DEPDC5: variants seen among roughly 807,000 people sequenced by gnomAD.
DEPDC5 encodes the protein GATOR1 complex protein DEPDC5.
DEPDC5 carries 73 observed loss-of-function variants against 217.3 expected under a neutral mutation model. The ratio of observed to expected loss-of-function variants is 0.34; its 90% CI spans 0.28 to 0.41. DEPDC5 has a LOEUF of 0.41. Among genes scored for constraint, DEPDC5 ranks in the 10% least tolerant of loss-of-function variants. The pLI is 1.00. For synonymous variants in DEPDC5, 733 were observed against 756.7 expected, an observed-to-expected ratio of 0.97 and a Z score of 0.51; for missense variants, 1,675 against 2,070.1, an observed-to-expected ratio of 0.81 and a Z score of 3.70.
intron 36 of DEPDC5, chr22:31,875,786 A>G (rs1005823165): frequency 1.7e-4 from 28 of 165,066 alleles, no homozygotes; most frequent in Admixed American, 6.0e-5. Context: ...GGCATGCACC[A>G]CCATACCAGC....
chr22:31,876,115 T>A, intron 36 of DEPDC5, 42 bp from the exon 37 acceptor site: 1 of 1,592,884 alleles, frequency 6.3e-7, no homozygotes, highest in Non-Finnish European at 8.6e-7. Context: ...CCCTTCAAGA[T>A]GCCTCTCTGC....
chr22:31,895,889 G>C (rs1021186080), intron 39 of DEPDC5, among the ~76,000 whole-genome samples: 3 of 151,804 alleles, frequency 2.0e-5, no homozygotes, highest in African/African-American at 7.3e-5. Flanking sequence ...TGCTCATTCT[G>C]CTCAGCTCAC....
intron 3 of DEPDC5, among the ~76,000 whole-genome samples, chr22:31,759,789 T>C (rs778896920): frequency 1.3e-5 from 2 of 149,062 alleles, no homozygotes; most frequent in Non-Finnish European, 3.0e-5. Flanking sequence ...TTCAAGTGAC[T>C]CTTCTGCCTC....
chr22:31,850,868 A>G (rs1335352844), intron 31 of DEPDC5, among the ~76,000 whole-genome samples: 3 of 152,184 alleles, frequency 2.0e-5, no homozygotes, highest in Admixed American at 1.3e-4. Flanking sequence ...CAAGAGATTG[A>G]GACCATCCTG....
At chr22:31,785,089 C>G (rs1365342358) in intron 10 of DEPDC5, 1 of 473,404 alleles carries the variant, frequency 2.1e-6, no homozygotes, top group African/African-American at 2.0e-5. Flanking sequence ...GAAAACTTTC[C>G]CCCAAGATCA....
rs2149178531 is a variant in DEPDC5 at position 31,864,310 on chromosome 22, A to G, written c.3330+2877A>G. On this transcript the variant is annotated intron_variant, in intron 33 of 42. Transcript: ENST00000651528. ...TTTTTAGTAGAAATGGGGTTTCACC[A>G]TGTTAGGCTGCTCTCGAACTCCTAA... is the stretch of plus-strand genomic sequence containing the variant. Among the ~76,000 whole-genome samples, 2 of 151,264 alleles carry G rather than the reference A, an allele frequency of 1.3e-5. 1 individual carries two copies. The highest frequency in any genetic ancestry group is 3.9e-4 in the East Asian group (2 of 5,090).
chr22:31,860,266 G>A (rs367878172), intron 32 of DEPDC5, among the ~76,000 whole-genome samples: 13 of 152,310 alleles, frequency 8.5e-5, no homozygotes, highest in South Asian at 6.2e-4. Flanking sequence ...GTTAGAATGC[G>A]TTGGGGGTAC....
chr22:31,836,026 C>T, intron 25 of DEPDC5, among the ~76,000 whole-genome samples: 1 of 152,208 alleles, frequency 6.6e-6, no homozygotes, highest in East Asian at 1.9e-4. Context: ...TCGTATTGCT[C>T]CCTTCTTTGG....
chr22:31,843,926 T>C, intron 29 of DEPDC5, 114 bp downstream of exon 29: 1 of 1,218,764 alleles, frequency 8.2e-7, no homozygotes, highest in Non-Finnish European at 1.1e-6. Flanking sequence ...TTTTTTTTCT[T>C]TGTAAAGAGA....
intron 31 of DEPDC5, among the ~76,000 whole-genome samples, chr22:31,855,446 G>A (rs2092247302): frequency 6.7e-6 from 1 of 150,098 alleles, no homozygotes; most frequent in Non-Finnish European, 1.5e-5. Flanking sequence ...GCGCGATATC[G>A]GCTCATTGCA....
At chr22:31,857,777 C>T (rs989034984) in intron 32 of DEPDC5, 4 of 423,166 alleles carry the variant, frequency 9.5e-6, no homozygotes, top group African/African-American at 2.1e-5. Context: ...GGATATAAAA[C>T]GGTCAGTCAT....
At chr22:31,759,644 T>A (rs2082222305) in intron 3 of DEPDC5, among the ~76,000 whole-genome samples, 1 of 149,490 alleles carries the variant, frequency 6.7e-6, no homozygotes, top group Admixed American at 6.7e-5. Flanking sequence ...AGTGCTAGGA[T>A]TACAGGCATG....
In DEPDC5 at chr22:31,754,972, G is replaced by A. The variant is rs2075194052; in HGVS notation, c.51G>A (p.Gly17=). The change falls in exon 2 of 43, where the codon GGG becomes GGA. Residue 17 remains glycine (G), a synonymous_variant. Coordinates refer to ENST00000651528, the MANE Select transcript of DEPDC5 (RefSeq NM_001242896.3). ...YKLVIHKKGF[G]GSDDELVVNP... is the part of the protein sequence containing the mutation. ...TCGTCATCCACAAGAAGGGCTTTGG[G>A]GGCAGTGGTCAGTATCGATTGGTCT... 6.2e-7 allele frequency: 1 copy of A among 1,614,194 alleles called. No individual in the cohort carries two copies. Among genetic ancestry groups the A allele is most frequent in the Non-Finnish European group, 8.5e-7 (1 of 1,180,036 alleles).
Position 31,804,933 on chromosome 22 carries a change from C to T in DEPDC5, c.1217+18C>T. ...AACCACAGGTGGGTGCGATCTCGAT[C>T]AATAGTAGGTGATAAGCGTTTTGAA... On this transcript the variant is annotated intron_variant, in intron 17 of 42. Transcript: ENST00000651528. The T allele has an allele frequency of 6.2e-7, 1 of 1,607,578 alleles. No homozygotes were observed. The highest frequency in any genetic ancestry group is 8.5e-7 in the Non-Finnish European group (1 of 1,175,976).
At chr22:31,890,887 G>C (rs867460501) in intron 38 of DEPDC5, 1 of 157,648 alleles carries the variant, frequency 6.3e-6, no homozygotes, top group African/African-American at 2.4e-5. Context: ...CACCACGCCC[G>C]GCTAATTTTT....
At chr22:31,814,001 GGT>G in intron 20 of DEPDC5, 1 of 152,238 alleles carries the variant, frequency 6.6e-6, no homozygotes, top group Non-Finnish European at 1.5e-5. Flanking sequence ...CAGGCGTGGT[GGT>G]GGGCGTCTGT....
At chr22:31,761,664 A>G (rs993084155) in intron 4 of DEPDC5, among the ~76,000 whole-genome samples, 1 of 145,108 alleles carries the variant, frequency 6.9e-6, no homozygotes, top group East Asian at 2.0e-4. Context: ...CCCTATCTCA[A>G]AAAAAAAAAA....
intron 32 of DEPDC5, 72 bp downstream of exon 32, chr22:31,857,625 G>A (rs1295082168): frequency 5.4e-6 from 7 of 1,298,536 alleles, no homozygotes; most frequent in East Asian, 5.1e-5. Flanking sequence ...AAAACAGATC[G>A]CCCTTCAGAT....
Position 31,813,099 on chromosome 22 carries a change from T to G in DEPDC5, c.1446-1893T>G, listed in dbSNP as rs1231174446. On this transcript the variant is annotated intron_variant, in intron 20 of 42. Transcript: ENST00000651528. Reference sequence around the variant, plus strand: ...GTGGAAGAATATTATGTCTCTTAATTTTGTGGCAAATGAACTTAGAGTGAC... The same window carrying G: ...GTGGAAGAATATTATGTCTCTTAATGTTGTGGCAAATGAACTTAGAGTGAC... Among the ~76,000 whole-genome samples the G allele has an allele frequency of 2.6e-5, 4 of 152,140 alleles. No individual in the cohort carries two copies. In the South Asian group the frequency reaches 8.3e-4, roughly 32 times the overall value.
Sources: allele counts gnomAD v4.1 joint callset (sites outside exome capture counted in the v4.1 genomes callset), GRCh38; gene constraint gnomAD v4.1.1; transcripts MANE v1.5; gene names NCBI Gene and HGNC (gene_info 2026-07-23, HGNC 2026-07-21).